Variants in BMPR1A observed in about 807,000 individuals in gnomAD.
BMPR1A encodes the protein bone morphogenetic protein receptor type-1A.
A neutral mutation model predicts 66.0 loss-of-function variants in BMPR1A; 7 were observed. The observed-to-expected ratio is 0.11, with a 90% CI of 0.06 to 0.20. BMPR1A has a LOEUF of 0.20. Among genes scored for constraint, BMPR1A ranks in the 10% least tolerant of loss-of-function variants. BMPR1A has a pLI of 1.00. For missense variants in BMPR1A, 408 were observed against 669.1 expected, an observed-to-expected ratio of 0.61 and a Z score of 4.31; for synonymous variants, 200 against 229.7, an observed-to-expected ratio of 0.87 and a Z score of 1.17.
chr10:86,885,551 C>G (rs1249430589), intron 3 of BMPR1A, among the ~76,000 whole-genome samples: 2 of 152,208 alleles, frequency 1.3e-5, no homozygotes, highest in African/African-American at 2.4e-5. Flanking sequence ...CATTTTAAGT[C>G]ACATGTGGCT....
At chr10:86,778,183 G>C (rs1388656530) in intron 1 of BMPR1A, among the ~76,000 whole-genome samples, 1 of 151,814 alleles carries the variant, frequency 6.6e-6, no homozygotes, top group African/African-American at 2.4e-5. Context: ...TTCGAATACA[G>C]ACCAACACAA....
chr10:86,866,384 TG>T (rs931161436), intron 2 of BMPR1A, among the ~76,000 whole-genome samples: 33 of 149,632 alleles, frequency 2.2e-4, no homozygotes, highest in African/African-American at 8.1e-4. Context: ...TGTGTTAAGT[TG>T]GGCAAGTTTC....
intron 1 of BMPR1A, among the ~76,000 whole-genome samples, chr10:86,824,002 C>T (rs1363740332): frequency 6.6e-6 from 1 of 150,606 alleles, no homozygotes; most frequent in Non-Finnish European, 1.5e-5. Flanking sequence ...ATGTTGATTA[C>T]ATGTTTCTTG....
chr10:86,809,207 C>T (rs1190986227), intron 1 of BMPR1A, among the ~76,000 whole-genome samples: 1 of 152,022 alleles, frequency 6.6e-6, no homozygotes, highest in Non-Finnish European at 1.5e-5. Context: ...TATACAATTC[C>T]AGTTGCATTA....
chr10:86,845,861 A>G (rs1360467004), intron 2 of BMPR1A, among the ~76,000 whole-genome samples: 1 of 151,818 alleles, frequency 6.6e-6, no homozygotes, highest in Non-Finnish European at 1.5e-5. Flanking sequence ...GCCGGGTGTG[A>G]TGGCGGGCGC....
At chr10:86,767,151 T>G (rs1408198492) in intron 1 of BMPR1A, among the ~76,000 whole-genome samples, 1 of 152,218 alleles carries the variant, frequency 6.6e-6, no homozygotes, top group African/African-American at 2.4e-5. Flanking sequence ...TTTGCCAGTT[T>G]GCCAGCTGAA....
At chr10:86,819,221 T>C (rs1255396044) in intron 1 of BMPR1A, among the ~76,000 whole-genome samples, 1 of 152,226 alleles carries the variant, frequency 6.6e-6, no homozygotes, top group African/African-American at 2.4e-5. Context: ...TCTGGAGATC[T>C]CTGTATGTGT....
At chr10:86,793,915 TG>T (rs1398513765) in intron 1 of BMPR1A, among the ~76,000 whole-genome samples, 4 of 152,178 alleles carry the variant, frequency 2.6e-5, no homozygotes. Context: ...GCTGCATTCC[TG>T]GATCAGGCTC....
intron 5 of BMPR1A, among the ~76,000 whole-genome samples, chr10:86,895,799 G>C (rs989365917): frequency 1.3e-5 from 2 of 152,054 alleles, no homozygotes; most frequent in Non-Finnish European, 2.9e-5. Context: ...AGGCCGAGGC[G>C]GGCAGATCGC....
chr10:86,892,497 C>T (rs1564715611), intron 5 of BMPR1A, among the ~76,000 whole-genome samples: 3 of 152,132 alleles, frequency 2.0e-5, no homozygotes, highest in Non-Finnish European at 2.9e-5. Context: ...GGCTGGAGTG[C>T]AGTGCTGCGA....
At chr10:86,769,312 G>C (rs749140714) in intron 1 of BMPR1A, among the ~76,000 whole-genome samples, 14 of 152,230 alleles carry the variant, frequency 9.2e-5, no homozygotes, top group Non-Finnish European at 1.8e-4. Flanking sequence ...GGGAGGCTGA[G>C]GTGAGAGGAT....
intron 1 of BMPR1A, among the ~76,000 whole-genome samples, chr10:86,835,551 A>C (rs1842333676): frequency 2.2e-5 from 1 of 45,416 alleles, no homozygotes; most frequent in African/African-American, 7.1e-5. Context: ...CTCTGTATCA[A>C]AAAAAAAAAA....
intron 2 of BMPR1A, among the ~76,000 whole-genome samples, chr10:86,845,217 G>A (rs920145079): frequency 6.6e-6 from 1 of 152,218 alleles, no homozygotes; most frequent in Non-Finnish European, 1.5e-5. Flanking sequence ...GCAGAAGTGA[G>A]AGAATGGGAA....
At chr10:86,904,410 T>A (rs1335507075) in intron 7 of BMPR1A, among the ~76,000 whole-genome samples, 5 of 152,206 alleles carry the variant, frequency 3.3e-5, no homozygotes, top group Non-Finnish European at 7.3e-5. Flanking sequence ...GACCTTCTGT[T>A]GGAAACAGTG....
In BMPR1A at chr10:86,917,343, T is replaced by G. The variant is rs1454030333; in HGVS notation, c.868+17T>G. 1.2e-6 allele frequency: 2 copies of G among 1,613,836 alleles called. No individual in the cohort carries two copies. Among genetic ancestry groups the G allele is most frequent in the Non-Finnish European group, 1.7e-6 (2 of 1,179,830 alleles). ...ACATACTTGGTGGGTACACACTGAT[T>G]CAGTCAATTTCATTTTTGACAAGGC... On this transcript the variant is annotated intron_variant, in intron 9 of 12. Coordinates refer to ENST00000372037, the MANE Select transcript of BMPR1A (RefSeq NM_004329.3).
chr10:86,919,050 CGAA>C, intron 9 of BMPR1A, 119 bp from the exon 10 acceptor site: 1 of 1,039,608 alleles, frequency 9.6e-7, no homozygotes, highest in African/African-American at 1.6e-5. Flanking sequence ...TGGTGTCAGG[CGAA>C]TTAAAGTTTC....
chr10:86,792,417 A>T (rs1302928375), intron 1 of BMPR1A, among the ~76,000 whole-genome samples: 2 of 152,200 alleles, frequency 1.3e-5, no homozygotes, highest in Non-Finnish European at 2.9e-5. Flanking sequence ...ACTGCTAAAA[A>T]TTATAATGGT....
intron 5 of BMPR1A, among the ~76,000 whole-genome samples, chr10:86,895,604 G>C (rs1176314690): frequency 6.6e-6 from 1 of 152,012 alleles, no homozygotes; most frequent in East Asian, 1.9e-4. Flanking sequence ...TTGCTTATGT[G>C]AATACATTGT....
In BMPR1A at chr10:86,761,601, A is replaced by G. The variant is rs182756245; in HGVS notation, c.-268+4682A>G. Among the ~76,000 whole-genome samples, 3 of 152,356 alleles carry G rather than the reference A, an allele frequency of 2.0e-5. No homozygotes were observed. In the East Asian group the frequency reaches 5.8e-4, roughly 29 times the overall value. On this transcript the variant is annotated intron_variant, in intron 1 of 12. Transcript: ENST00000372037. ...TTATGCCTAGTGTTCCACTATTGGA[A>G]CGCTAAGCACGTGGGAGTTATTTAT...
Sources: allele counts gnomAD v4.1 joint callset (sites outside exome capture counted in the v4.1 genomes callset), GRCh38; gene constraint gnomAD v4.1.1; transcripts MANE v1.5; gene names NCBI Gene and HGNC (gene_info 2026-07-23, HGNC 2026-07-21).